SIRPA: variants seen among roughly 807,000 people sequenced by gnomAD.
SIRPA encodes the protein tyrosine-protein phosphatase non-receptor type substrate 1.
Under a neutral mutation model 50.3 loss-of-function variants are expected in SIRPA, and 9 were observed. The ratio of observed to expected loss-of-function variants is 0.18; its 90% CI spans 0.11 to 0.31. The LOEUF is 0.31. SIRPA is among the 10% of genes least tolerant of loss of function. The pLI, the probability that SIRPA is intolerant of heterozygous loss-of-function variation, is 1.00. For synonymous variants in SIRPA, 265 were observed against 284.1 expected (o/e 0.93, Z 0.68); for missense variants, 474 against 661.6 (o/e 0.72, Z 3.11).
Position 1,924,311 on chromosome 20 carries a change from G to T in SIRPA, c.1088-453G>T, listed in dbSNP as rs533852693. ...CTAACTCCTGAGCCCAGTGTGCATG[G>T]CCCAGGTGCTGGGCACAGACCGGTC... On this transcript the variant is annotated intron_variant, in intron 4 of 7. Coordinates refer to ENST00000358771, the MANE Select transcript of SIRPA (RefSeq NM_001040023.2). This position sits in a 1 kb window ranked among gnomAD's most constrained non-coding sequence, Gnocchi z 4.5. Among the ~76,000 whole-genome samples the T allele has an allele frequency of 9.3e-4, 141 of 152,264 alleles. No homozygotes were observed. Among genetic ancestry groups the T allele is most frequent in the African/African-American group, 3.3e-3 (137 of 41,560 alleles).
rs1986675706 is a variant in SIRPA, at chr20:1,937,766, C to T, written c.*198C>T. ...TTCCTGGGCAGCCACGGCCCCCTCC[C>T]CCCACATTGCCACATACCTGGAGGC... On this transcript the variant is annotated 3_prime_UTR_variant, in exon 8 of 8. Transcript: ENST00000358771. This position sits in a 1 kb window ranked among gnomAD's most constrained non-coding sequence, Gnocchi z 8.3. 2 of 666,968 alleles carry T rather than the reference C, an allele frequency of 3.0e-6. No individual in the cohort carries two copies. Among genetic ancestry groups the T allele is most frequent in the South Asian group, 4.1e-5 (2 of 48,702 alleles). The allele number at this position is 666,968 out of a possible 1,614,324, so 41.3% of individuals were successfully genotyped here.
At chr20:1,912,617 A>T (rs1430728673) in intron 1 of SIRPA, among the ~76,000 whole-genome samples, 1 of 152,260 alleles carries the variant, frequency 6.6e-6, no homozygotes, top group East Asian at 1.9e-4. Flanking sequence ...GCTATGTGAT[A>T]ATAATGGGAA....
intron 1 of SIRPA, among the ~76,000 whole-genome samples, chr20:1,899,020 G>A (rs769979314): frequency 5.3e-5 from 8 of 151,938 alleles, no homozygotes; most frequent in Non-Finnish European, 1.0e-4. Flanking sequence ...GATCCCACAC[G>A]CGCTCGCTTG....
chr20:1,903,230 C>G (rs1984345286), intron 1 of SIRPA, among the ~76,000 whole-genome samples: 1 of 152,072 alleles, frequency 6.6e-6, no homozygotes, highest in Non-Finnish European at 1.5e-5. Flanking sequence ...CCAGCAGGAT[C>G]TGGCTCATTG....
At chr20:1,903,028 A>AAAAAAG (rs1984325731) in intron 1 of SIRPA, among the ~76,000 whole-genome samples, 1 of 119,272 alleles carries the variant, frequency 8.4e-6, no homozygotes, top group African/African-American at 3.6e-5. Context: ...AAAAAAAAAA[A>AAAAAAG]AAAAGAAAAG....
chr20:1,926,289 T>G (rs549610965), intron 5 of SIRPA, among the ~76,000 whole-genome samples: 54 of 152,314 alleles, frequency 3.5e-4, no homozygotes, highest in African/African-American at 1.0e-3. Context: ...CAGGGAGGAC[T>G]CCTCCTTGGA....
chr20:1,918,656 A>G (rs540451418), intron 2 of SIRPA, among the ~76,000 whole-genome samples: 5 of 152,092 alleles, frequency 3.3e-5, no homozygotes, highest in African/African-American at 1.2e-4. Context: ...GCGACGATAG[A>G]CCTTAGTAAG....
rs1458812035 is a variant in SIRPA, at chr20:1,895,481, G to T, written c.34G>T (p.Gly12Trp). Residue 12 changes from glycine (G) to tryptophan (W), a missense_variant, in exon 1 of 8, where the codon GGG becomes TGG. Gly to Trp is a radical substitution (Grantham distance 184). This residue lies in a region of SIRPA where 72 missense variants were observed against 76.2 expected (regional missense o/e 0.94). Coordinates refer to ENST00000358771, the MANE Select transcript of SIRPA (RefSeq NM_001040023.2). Reference sequence around the variant, plus strand: ...CGCCGGCCCGGCCCCCGGCCGCCTCGGGCCGCTGCTCTGCCTGCTGCTCGC... The same window carrying T: ...CGCCGGCCCGGCCCCCGGCCGCCTCTGGCCGCTGCTCTGCCTGCTGCTCGC... ...EPAGPAPGRL[G>W]PLLCLLLAAS... 1 of 1,440,622 alleles carries T rather than the reference G, an allele frequency of 6.9e-7. No homozygotes were observed. The highest frequency in any genetic ancestry group is 1.4e-5 in the South Asian group (1 of 70,820). The allele number at this position is 1,440,622 out of a possible 1,614,324, so 89.2% of individuals were successfully genotyped here.
rs1986767426 is a variant in SIRPA, at chr20:1,939,437, G to C, written c.*1869G>C. On this transcript the variant is annotated 3_prime_UTR_variant, in exon 8 of 8. Transcript: ENST00000358771. This position sits in a 1 kb window ranked among gnomAD's most constrained non-coding sequence, Gnocchi z 4.7. ...CAGCTTTGGCCAGAGCTCCCGTGTG[G>C]CATCTGGGAGCCACAGTGACCCAGC... 6.6e-6 allele frequency: 1 copy of C among 152,182 alleles called. No homozygotes were observed. The highest frequency in any genetic ancestry group is 2.4e-5 in the African/African-American group (1 of 41,456). The allele number at this position is 152,182 out of a possible 1,614,324, so 9.4% of individuals were successfully genotyped here.
Position 1,915,364 on chromosome 20 carries a change from T to C in SIRPA, c.345T>C (p.Asp115=), listed in dbSNP as rs145901506. 4.6e-5 allele frequency: 74 copies of C among 1,611,800 alleles called. 1 individual carries two copies. The highest frequency in any genetic ancestry group is 4.3e-4 in the African/African-American group (32 of 74,548). The change falls in exon 2 of 8, where the codon GAT becomes GAC. Residue 115 remains aspartate, a synonymous_variant. Coordinates refer to ENST00000358771, the MANE Select transcript of SIRPA (RefSeq NM_001040023.2). ...SIRIGNITPA[D]AGTYYCVKFR... is the part of the protein sequence containing the mutation. Reference sequence around the variant, plus strand: ...GCATCGGTAACATCACCCCAGCAGATGCCGGCACCTACTACTGTGTGAAGT... The same window carrying C: ...GCATCGGTAACATCACCCCAGCAGACGCCGGCACCTACTACTGTGTGAAGT...
intron 2 of SIRPA, among the ~76,000 whole-genome samples, chr20:1,915,884 A>G (rs907724883): frequency 2.0e-5 from 3 of 152,244 alleles, no homozygotes; most frequent in Admixed American, 6.5e-5. Flanking sequence ...GGCTCCGCCA[A>G]GCTTGTGTTC....
chr20:1,900,474 GGACT>G (rs1984123016), intron 1 of SIRPA, among the ~76,000 whole-genome samples: 1 of 152,130 alleles, frequency 6.6e-6, no homozygotes, highest in Admixed American at 6.5e-5. Context: ...CTGTTACTAG[GGACT>G]GAGTGCTGTG....
chr20:1,905,154 C>T (rs746484432), intron 1 of SIRPA, among the ~76,000 whole-genome samples: 4 of 152,196 alleles, frequency 2.6e-5, no homozygotes, highest in Non-Finnish European at 5.9e-5. Flanking sequence ...CCCGTCAGTC[C>T]GGAGACTGTC....
At chr20:1,926,625 T>A (rs555040032) in intron 5 of SIRPA, among the ~76,000 whole-genome samples, 3 of 152,338 alleles carry the variant, frequency 2.0e-5, no homozygotes, top group African/African-American at 7.2e-5. Context: ...CACTGTGCTT[T>A]CCCTGTAGTA....
chr20:1,913,693 C>CT (rs1382450215), intron 1 of SIRPA, among the ~76,000 whole-genome samples: 1 of 152,234 alleles, frequency 6.6e-6, no homozygotes, highest in Non-Finnish European at 1.5e-5. Context: ...GCGTCTGTCT[C>CT]TCAGGCATGT....
rs1169321251 is a variant in SIRPA at position 1,898,711 on chromosome 20, G to T, written c.79+3185G>T. 1.3e-5 allele frequency among the ~76,000 whole-genome samples: 2 copies of T among 151,914 alleles called. No homozygotes were observed. Among genetic ancestry groups the T allele is most frequent in the African/African-American group, 2.4e-5 (1 of 41,344 alleles). On this transcript the variant is annotated intron_variant, in intron 1 of 7. Coordinates refer to ENST00000358771, the MANE Select transcript of SIRPA (RefSeq NM_001040023.2). This position sits in a 1 kb window ranked among gnomAD's most constrained non-coding sequence, Gnocchi z 4.3. ...CCAAGCTGGAGAGGGAGTGAGAGAG[G>T]CCCCTTTCTGGCCTTGGGTGGAGGA...
intron 2 of SIRPA, among the ~76,000 whole-genome samples, chr20:1,916,470 C>G (rs151264113): frequency 2.8e-3 from 431 of 152,328 alleles, no homozygotes; most frequent in African/African-American, 1.0e-2. Context: ...CCTGGTGCAT[C>G]ATAGGTGCCG....
chr20:1,908,643 T>TA, intron 1 of SIRPA, among the ~76,000 whole-genome samples: 1 of 152,316 alleles, frequency 6.6e-6, no homozygotes, highest in South Asian at 2.1e-4. Context: ...TGTACACGCA[T>TA]ACATGTATGT....
Position 1,933,759 on chromosome 20 carries a change from G to A in SIRPA, c.1227-956G>A, listed in dbSNP as rs145531223. 6.6e-6 allele frequency among the ~76,000 whole-genome samples: 1 copy of A among 152,158 alleles called. No individual in the cohort carries two copies. The highest frequency in any genetic ancestry group is 1.5e-5 in the Non-Finnish European group (1 of 68,026). On this transcript the variant is annotated intron_variant, in intron 6 of 7. Coordinates refer to ENST00000358771, the MANE Select transcript of SIRPA (RefSeq NM_001040023.2). The surrounding 1 kb of genome is among the most constrained non-coding windows in gnomAD (Gnocchi z 4.4). ...TGACATTATCCATGCTAACATCCCCGGGGTTGCCGGCTTGAGAATTTACAC... is the reference window on the plus strand; with the variant it reads ...TGACATTATCCATGCTAACATCCCCAGGGTTGCCGGCTTGAGAATTTACAC...
Sources: allele counts gnomAD v4.1 joint callset (sites outside exome capture counted in the v4.1 genomes callset), GRCh38; gene constraint gnomAD v4.1.1; regional missense constraint gnomAD v4.1.1; non-coding constraint Gnocchi (gnomAD v3.1); transcripts MANE v1.5; gene names NCBI Gene and HGNC (gene_info 2026-07-23, HGNC 2026-07-21).